NFAM1: variants seen among roughly 807,000 people sequenced by gnomAD.
NFAM1 encodes the protein NFAT activating protein with ITAM motif 1, also known as NFAT activation molecule 1.
NFAM1 carries 17 observed loss-of-function variants against 29.0 expected under a neutral mutation model. The observed-to-expected ratio is 0.59, with a 90% CI of 0.40 to 0.88. The LOEUF is 0.88. Among genes scored for constraint, NFAM1 ranks in the 40% least tolerant of loss-of-function variants. The pLI, the probability that NFAM1 is intolerant of heterozygous loss-of-function variation, is 0.00. For missense variants in NFAM1, 324 were observed against 344.6 expected (o/e 0.94, Z 0.47); for synonymous variants, 175 against 147.2 (o/e 1.19, Z -1.36).
chr22:42,406,320 A>G (rs1929896641), intron 3 of NFAM1, among the ~76,000 whole-genome samples: 1 of 152,148 alleles, frequency 6.6e-6, no homozygotes, highest in Non-Finnish European at 1.5e-5. Context: ...ACTTTGCAGT[A>G]GCTCCTCACT....
intron 3 of NFAM1, among the ~76,000 whole-genome samples, chr22:42,401,240 T>G (rs1490001248): frequency 6.6e-6 from 1 of 152,214 alleles, no homozygotes; most frequent in Non-Finnish European, 1.5e-5. Flanking sequence ...AGAAGGTATC[T>G]TAGACATTGC....
chr22:42,432,227 C>CA lies in NFAM1; in HGVS notation c.121+9dup, dbSNP rs1569238545. ...GAGAGAGTAGAGAGAAGGAGGAAGA[C>CA]AGACACTACCTGCCAGTCGCAGGGT... On this transcript the variant is annotated intron_variant, in intron 1 of 5. Transcript: ENST00000329021. The CA allele has an allele frequency of 1.3e-6, 2 of 1,568,262 alleles. No homozygotes were observed. Among genetic ancestry groups the CA allele is most frequent in the Admixed American group, 1.9e-5 (1 of 53,090 alleles).
chr22:42,410,639 A>G (rs1179347817), intron 2 of NFAM1: 2 of 174,302 alleles, frequency 1.1e-5, no homozygotes, highest in African/African-American at 5.1e-5. Flanking sequence ...AGCCTGGGTG[A>G]CAGAGCGAGA....
intron 4 of NFAM1, among the ~76,000 whole-genome samples, chr22:42,394,316 G>T (rs536977511): frequency 6.6e-6 from 1 of 152,252 alleles, no homozygotes; most frequent in Admixed American, 6.5e-5. Context: ...GGGATTACAG[G>T]GGTAAGCCAC....
At chr22:42,429,724 G>A (rs994692812) in intron 1 of NFAM1, among the ~76,000 whole-genome samples, 4 of 152,220 alleles carry the variant, frequency 2.6e-5, no homozygotes, top group Non-Finnish European at 5.9e-5. Context: ...AATCAGGGAC[G>A]CTGGCCTTCA....
chr22:42,381,035 G>C lies in NFAM1; in HGVS notation c.*4126C>G, dbSNP rs1928928114. 6.6e-6 allele frequency: 1 copy of C among 152,662 alleles called. No individual in the cohort carries two copies. Among genetic ancestry groups the C allele is most frequent in the Non-Finnish European group, 1.5e-5 (1 of 68,076 alleles). The allele number at this position is 152,662 out of a possible 1,614,324, so 9.5% of individuals were successfully genotyped here. On this transcript the variant is annotated 3_prime_UTR_variant, in exon 6 of 6. Transcript: ENST00000329021. ...GAATCCCCTGGAAATGTTTGCTGAG[G>C]AGGGGCCACCGTTTACCGCACCCAC... is the stretch of plus-strand genomic sequence containing the variant.
Position 42,388,530 on chromosome 22 carries a change from C to G in NFAM1, c.664-1452G>C, listed in dbSNP as rs1409327515. Among the ~76,000 whole-genome samples the G allele has an allele frequency of 6.6e-6, 1 of 152,064 alleles. No individual in the cohort carries two copies. The highest frequency in any genetic ancestry group is 1.5e-5 in the Non-Finnish European group (1 of 68,028). ...GCCTTTCCTTCCTGAGTGTACGTGT[C>G]ATATGGATGCCGGCTGGTTGCCAAG... On this transcript the variant is annotated intron_variant, in intron 4 of 5. Transcript: ENST00000329021. The surrounding 1 kb of genome is among the most constrained non-coding windows in gnomAD (Gnocchi z 4.1).
chr22:42,407,081 C>CT (rs1177618694), intron 3 of NFAM1, among the ~76,000 whole-genome samples: 415 of 118,970 alleles, frequency 3.5e-3, no homozygotes, highest in Admixed American at 4.1e-3. Flanking sequence ...GGACCTTCCT[C>CT]TTTTTTTTTT....
chr22:42,426,862 C>T (rs1930639699), intron 1 of NFAM1, among the ~76,000 whole-genome samples: 1 of 152,140 alleles, frequency 6.6e-6, no homozygotes, highest in African/African-American at 2.4e-5. Flanking sequence ...CGAGCCCTGT[C>T]CCTAGGGCCA....
chr22:42,436,010 GGGTTTTA>G (rs961112305), upstream of NFAM1, among the ~76,000 whole-genome samples: 20 of 151,968 alleles, frequency 1.3e-4, no homozygotes, highest in African/African-American at 4.8e-4. Context: ...AGTAGAGATA[GGGTTTTA>G]CCATGTTGGC....
rs575134282 is a variant in NFAM1 at position 42,424,141 on chromosome 22, C to T, written c.121+8096G>A. 8.6e-5 allele frequency among the ~76,000 whole-genome samples: 13 copies of T among 150,464 alleles called. No individual in the cohort carries two copies. In the South Asian group the frequency reaches 1.1e-3, roughly 13 times the overall value. ...AAAAAAAAACAAACACATGGCTGGG[C>T]GCGGTGGCTCATGCCTGTAATCCCA... is the stretch of plus-strand genomic sequence containing the variant. On this transcript the variant is annotated intron_variant, in intron 1 of 5. Coordinates refer to ENST00000329021, the MANE Select transcript of NFAM1 (RefSeq NM_145912.8).
chr22:42,405,547 G>A (rs1482750740), intron 3 of NFAM1, among the ~76,000 whole-genome samples: 2 of 152,248 alleles, frequency 1.3e-5, no homozygotes, highest in Non-Finnish European at 2.9e-5. Context: ...AGAGTCGGGG[G>A]CGTGCAAGAA....
intron 3 of NFAM1, among the ~76,000 whole-genome samples, chr22:42,399,320 G>A (rs763744181): frequency 4.0e-5 from 6 of 151,874 alleles, no homozygotes; most frequent in African/African-American, 9.7e-5. Context: ...GGTTGTGGGC[G>A]CCTGTAATCC....
In NFAM1 at chr22:42,409,599, G is replaced by C; in HGVS notation, c.452-52C>G. ...GGGTCAGTGACCCAGGAGAAAGCGGGGCACACACACCTGATGTTCTCCCTC... is the reference window on the plus strand; with the variant it reads ...GGGTCAGTGACCCAGGAGAAAGCGGCGCACACACACCTGATGTTCTCCCTC... On this transcript the variant is annotated intron_variant, in intron 2 of 5. Transcript: ENST00000329021. The surrounding 1 kb of genome is among the most constrained non-coding windows in gnomAD (Gnocchi z 4.9). The C allele has an allele frequency of 2.3e-6, 2 of 864,390 alleles. No individual in the cohort carries two copies. Among genetic ancestry groups the C allele is most frequent in the Non-Finnish European group, 3.5e-6 (2 of 573,706 alleles). The allele number at this position is 864,390 out of a possible 1,614,324, so 53.5% of individuals were successfully genotyped here.
intron 1 of NFAM1, among the ~76,000 whole-genome samples, chr22:42,424,015 C>G (rs1930533209): frequency 6.6e-6 from 1 of 152,120 alleles, no homozygotes; most frequent in Non-Finnish European, 1.5e-5. Context: ...ATGCTGGTCT[C>G]AAACTCCTGT....
chr22:42,383,545 T>C lies in NFAM1; in HGVS notation c.*1616A>G, dbSNP rs9611785. On this transcript the variant is annotated 3_prime_UTR_variant, in exon 6 of 6. Coordinates refer to ENST00000329021, the MANE Select transcript of NFAM1 (RefSeq NM_145912.8). ...GCCCAGAACCAAGTTGGGAGGCCAC[T>C]GGCTGTCCTGTGGGACCAGAGAAGT... 7.6e-3 allele frequency: 1,169 copies of C among 152,836 alleles called. 10 individuals are homozygous for C. Among genetic ancestry groups the C allele is most frequent in the Non-Finnish European group, 0.01 (714 of 68,060 alleles). 9.5% of individuals were successfully genotyped at this position (152,836 alleles called of 1,614,324 possible).
upstream of NFAM1, among the ~76,000 whole-genome samples, chr22:42,434,129 G>A (rs573569710): frequency 3.9e-5 from 6 of 152,244 alleles, no homozygotes; most frequent in Admixed American, 3.3e-4. Context: ...TCGGACTCCC[G>A]GGAGTTCTGC....
chr22:42,413,453 T>G (rs1930159256), intron 1 of NFAM1, among the ~76,000 whole-genome samples: 1 of 152,108 alleles, frequency 6.6e-6, no homozygotes, highest in Non-Finnish European at 1.5e-5. Context: ...GCAATGCTGA[T>G]ATTTTGAGCT....
chr22:42,434,009 G>A (rs1930881311), upstream of NFAM1, among the ~76,000 whole-genome samples: 1 of 152,126 alleles, frequency 6.6e-6, no homozygotes, highest in Admixed American at 6.5e-5. Context: ...CTCGGAACAA[G>A]GGAGCCTGCT....
Sources: gnomAD v4.1 joint callset for allele counts (sites outside exome capture counted in the v4.1 genomes callset) on GRCh38, gnomAD v4.1.1 for gene constraint, Gnocchi (gnomAD v3.1) non-coding constraint, MANE v1.5 for transcripts, NCBI Gene and HGNC (gene_info 2026-07-23, HGNC 2026-07-21) for gene names.